Variants in SP1 observed in about 807,000 individuals in gnomAD.
The protein encoded by SP1 is Sp1 transcription factor.
Under a neutral mutation model 66.3 loss-of-function variants are expected in SP1, and 6 were observed. The ratio of observed to expected loss-of-function variants is 0.09; its 90% CI spans 0.05 to 0.18. The LOEUF (loss-of-function observed/expected upper bound fraction) is 0.18, where lower values mean the gene tolerates loss of function less well. Ranked by LOEUF, SP1 falls within the 10% of genes least tolerant of loss-of-function variation. The pLI is 1.00. For synonymous variants in SP1, 417 were observed against 360.8 expected (o/e 1.16, Z -1.77); for missense variants, 848 against 964.5 (o/e 0.88, Z 1.60).
intron 3 of SP1, among the ~76,000 whole-genome samples, chr12:53,398,053 A>T (rs1938529103): frequency 6.6e-6 from 1 of 152,154 alleles, no homozygotes; most frequent in African/African-American, 2.4e-5. Flanking sequence ...TAGAAAATTA[A>T]ACTATTTTGG....
At position 53,383,065 on chromosome 12, in the gene SP1, A is replaced by G; in HGVS notation, c.1118A>G (p.Asn373Ser). 1.9e-6 allele frequency: 3 copies of G among 1,614,144 alleles called. No homozygotes were observed. Among genetic ancestry groups the G allele is most frequent in the Non-Finnish European group, 1.7e-6 (2 of 1,180,040 alleles). The change falls in exon 3 of 6, where the codon AAC (asparagine) becomes AGC (serine). Residue 373 changes from asparagine to serine, a missense_variant. This residue lies in a region of SP1 where 606 missense variants were observed against 589.9 expected (regional missense o/e 1.03). Transcript: ENST00000327443. ...QGSDALNIQQNQTSGGSLQAG... is the reference protein window; with the variant it reads ...QGSDALNIQQSQTSGGSLQAG... Reference sequence around the variant, plus strand: ...TCTGATGCTCTGAACATCCAGCAAAACCAGACATCTGGAGGCTCATTGCAA... The same window carrying G: ...TCTGATGCTCTGAACATCCAGCAAAGCCAGACATCTGGAGGCTCATTGCAA...
At position 53,389,611 on chromosome 12, in the gene SP1, TC is replaced by T. The variant is rs200676880; in HGVS notation, c.1675+5990del. ...ATGCTGGGATTACAGGCGTGATGTT[TC>T]TTTTTTTTTAAATTGACACCCCTCC... On this transcript the variant is annotated intron_variant, in intron 3 of 5. Coordinates refer to ENST00000327443, the MANE Select transcript of SP1 (RefSeq NM_138473.3). Among the ~76,000 whole-genome samples, 260 of 151,488 alleles carry T rather than the reference TC, an allele frequency of 1.7e-3. 1 individual carries two copies. Among genetic ancestry groups the T allele is most frequent in the African/African-American group, 5.8e-3 (238 of 41,164 alleles).
At chr12:53,394,605 G>GTTT (rs1408888057) in intron 3 of SP1, among the ~76,000 whole-genome samples, 2 of 114,024 alleles carry the variant, frequency 1.8e-5, no homozygotes, top group African/African-American at 7.9e-5. Flanking sequence ...TGGAGATAAG[G>GTTT]TCTTTTTTTT....
chr12:53,383,864 C>A (rs762845126), intron 3 of SP1, among the ~76,000 whole-genome samples: 3 of 152,108 alleles, frequency 2.0e-5, no homozygotes, highest in Non-Finnish European at 4.4e-5. Flanking sequence ...CTGTAATACT[C>A]AGTGTTTTTG....
In SP1 at chr12:53,393,028, G is replaced by A. The variant is rs190223437; in HGVS notation, c.1675+9406G>A. Among the ~76,000 whole-genome samples the A allele has an allele frequency of 4.0e-5, 6 of 151,454 alleles. No homozygotes were observed. In the East Asian group the frequency reaches 1.2e-3, roughly 30 times the overall value. On this transcript the variant is annotated intron_variant, in intron 3 of 5. Coordinates refer to ENST00000327443, the MANE Select transcript of SP1 (RefSeq NM_138473.3). ...TTTAGTACAGATGGGGTTTCACCAT[G>A]TTGGTCACCAGGTCTTGAACTCCTG...
At chr12:53,395,387 C>CA in intron 3 of SP1, among the ~76,000 whole-genome samples, 1 of 151,972 alleles carries the variant, frequency 6.6e-6, no homozygotes, top group South Asian at 2.1e-4. Flanking sequence ...CATTAAAAAA[C>CA]AAAAAAGAGT....
At chr12:53,406,330 A>C (rs557444230) in intron 3 of SP1, among the ~76,000 whole-genome samples, 1 of 152,124 alleles carries the variant, frequency 6.6e-6, no homozygotes, top group South Asian at 2.1e-4. Flanking sequence ...CGGCCTCCCA[A>C]AGTGATGGAA....
chr12:53,387,875 ACTAGGGAGG>A lies in SP1; in HGVS notation c.1675+4256_1675+4264del, dbSNP rs537002041. 3.4e-3 allele frequency among the ~76,000 whole-genome samples: 519 copies of A among 152,158 alleles called. 4 individuals are homozygous for A. Among genetic ancestry groups the A allele is most frequent in the African/African-American group, 0.012 (495 of 41,534 alleles). ...GTGGTGGGTGCCTGTAATCTCAGCT[ACTAGGGAGG>A]CTGAGGCAGGAGAATGATGTGAACC... On this transcript the variant is annotated intron_variant, in intron 3 of 5. Coordinates refer to ENST00000327443, the MANE Select transcript of SP1 (RefSeq NM_138473.3).
intron 2 of SP1, 117 bp downstream of exon 2, chr12:53,381,930 GAAGT>G: frequency 1.6e-6 from 2 of 1,257,480 alleles, no homozygotes; most frequent in Non-Finnish European, 2.2e-6. Flanking sequence ...TATAGATAAG[GAAGT>G]AAGAGAATGG....
chr12:53,380,344 G>A (rs1277416419), intron 1 of SP1, 46 bp downstream of exon 1: 2 of 1,477,214 alleles, frequency 1.4e-6, no homozygotes, highest in Non-Finnish European at 1.8e-6. Flanking sequence ...GGCGAGTGAG[G>A]GGGCGCGCGC....
chr12:53,406,456 A>C, intron 3 of SP1, 129 bp from the exon 4 acceptor site: 1 of 753,954 alleles, frequency 1.3e-6, no homozygotes, highest in Non-Finnish European at 2.2e-6. Context: ...AAAAGGCTTC[A>C]AAACTTGTGA....
intron 3 of SP1, among the ~76,000 whole-genome samples, chr12:53,394,601 T>G (rs1370815972): frequency 7.2e-6 from 1 of 138,274 alleles, no homozygotes; most frequent in East Asian, 2.1e-4. Context: ...TTTTTGGAGA[T>G]AAGGTCTTTT....
intron 3 of SP1, among the ~76,000 whole-genome samples, chr12:53,395,462 G>A (rs1437247620): frequency 2.0e-5 from 3 of 152,130 alleles, no homozygotes; most frequent in African/African-American, 7.2e-5. Context: ...AAGAAATTCA[G>A]TTATACTTAT....
intron 3 of SP1, among the ~76,000 whole-genome samples, chr12:53,403,358 T>C (rs907945918): frequency 6.6e-6 from 1 of 152,036 alleles, no homozygotes; most frequent in Non-Finnish European, 1.5e-5. Context: ...AGAAATCTTT[T>C]TTGGTTTTTT....
At chr12:53,391,850 A>C (rs1012082166) in intron 3 of SP1, among the ~76,000 whole-genome samples, 2 of 151,576 alleles carry the variant, frequency 1.3e-5, no homozygotes, top group African/African-American at 2.4e-5. Context: ...AACATGCAGT[A>C]TTTTGTTTTC....
At chr12:53,386,678 G>A (rs921264383) in intron 3 of SP1, among the ~76,000 whole-genome samples, 1 of 151,518 alleles carries the variant, frequency 6.6e-6, no homozygotes, top group Non-Finnish European at 1.5e-5. Flanking sequence ...TAATGGAGAC[G>A]GGGTTTCACT....
rs1181909702 is a variant in SP1, at chr12:53,383,452, T to G, written c.1505T>G (p.Leu502Arg). ...CAGACCAGCAGCAGCAACACCACTC[T>G]CACACCCATTGCCTCAGCTGCTTCC... ...LGQTSSSNTTLTPIASAASIP... is the reference protein window; with the variant it reads ...LGQTSSSNTTRTPIASAASIP... The change falls in exon 3 of 6, where the codon CTC becomes CGC. Residue 502 changes from leucine (L) to arginine (R), a missense_variant. This residue lies in a region of SP1 where 606 missense variants were observed against 589.9 expected (regional missense o/e 1.03). Coordinates refer to ENST00000327443, the MANE Select transcript of SP1 (RefSeq NM_138473.3). 6.2e-7 allele frequency: 1 copy of G among 1,614,208 alleles called. No homozygotes were observed. Among genetic ancestry groups the G allele is most frequent in the Admixed American group, 1.7e-5 (1 of 60,018 alleles).
chr12:53,403,891 G>A (rs1395828994), intron 3 of SP1, among the ~76,000 whole-genome samples: 1 of 151,876 alleles, frequency 6.6e-6, no homozygotes, highest in Non-Finnish European at 1.5e-5. Flanking sequence ...AAAAGGAAAG[G>A]CCGGGCACGG....
At chr12:53,383,649 T>C (rs776625024) in intron 3 of SP1, 27 bp downstream of exon 3, 16 of 1,563,368 alleles carry the variant, frequency 1.0e-5, no homozygotes, top group Admixed American at 1.7e-5. Context: ...TGTGCATTTA[T>C]TGGGAACCAA....
Sources: gnomAD v4.1 joint callset for allele counts (sites outside exome capture counted in the v4.1 genomes callset) on GRCh38, gnomAD v4.1.1 for gene constraint, gnomAD v4.1.1 regional missense constraint, MANE v1.5 for transcripts, NCBI Gene and HGNC (gene_info 2026-07-23, HGNC 2026-07-21) for gene names.